NCOA1: variants seen among roughly 807,000 people sequenced by gnomAD.
The protein encoded by NCOA1 is Hin-2 protein.
A neutral mutation model predicts 150.9 loss-of-function variants in NCOA1; 35 were observed. The ratio of observed to expected loss-of-function variants is 0.23; its 90% confidence interval spans 0.18 to 0.31. The LOEUF (loss-of-function observed/expected upper bound fraction) is 0.31. NCOA1 is among the 10% of genes least tolerant of loss of function. NCOA1 has a pLI of 1.00. For missense variants in NCOA1, 1,491 were observed against 1,749.3 expected, an observed-to-expected ratio of 0.85 and a Z score of 2.63; for synonymous variants, 590 against 630.0, an observed-to-expected ratio of 0.94 and a Z score of 0.95.
chr2:24,652,487 A>T (rs1188185415), intron 4 of NCOA1, among the ~76,000 whole-genome samples: 1 of 152,136 alleles, frequency 6.6e-6, no homozygotes, highest in Non-Finnish European at 1.5e-5. Flanking sequence ...ACTGCCTGCT[A>T]AGCATTTTTA....
Position 24,741,882 on chromosome 2 carries a change from T to A in NCOA1, c.3402T>A (p.Leu1134=). The A allele has an allele frequency of 1.2e-6, 2 of 1,614,204 alleles. No individual in the cohort carries two copies. Among genetic ancestry groups the A allele is most frequent in the Non-Finnish European group, 1.7e-6 (2 of 1,180,042 alleles). The change falls in exon 19 of 23, where the codon CTT becomes CTA. Residue 1134 remains leucine (L), a synonymous_variant. Transcript: ENST00000348332. ...RQLIQQQRAM[L]MRQQSFGNNL... ...TAATACAGCAGCAAAGAGCCATGCT[T>A]ATGAGGCAGCAAAGCTTTGGGAACA... is the stretch of plus-strand genomic sequence containing the variant.
intron 4 of NCOA1, among the ~76,000 whole-genome samples, chr2:24,657,076 A>C (rs1319871039): frequency 6.6e-6 from 1 of 152,222 alleles, no homozygotes; most frequent in Admixed American, 6.5e-5. Context: ...GCTAATTTAC[A>C]TTCCCACTAA....
chr2:24,550,602 G>A (rs1364756281), intron 1 of NCOA1, among the ~76,000 whole-genome samples: 2 of 152,168 alleles, frequency 1.3e-5, no homozygotes, highest in African/African-American at 4.8e-5. Flanking sequence ...AACAGCACAT[G>A]GGAATTCAAG....
At chr2:24,619,810 A>G (rs1669042619) in intron 3 of NCOA1, among the ~76,000 whole-genome samples, 1 of 152,206 alleles carries the variant, frequency 6.6e-6, no homozygotes. Flanking sequence ...ATAATTACAA[A>G]GATAATTATA....
chr2:24,495,499 T>C (rs939805704), intron 1 of NCOA1, among the ~76,000 whole-genome samples: 4 of 152,096 alleles, frequency 2.6e-5, no homozygotes, highest in African/African-American at 9.7e-5. Flanking sequence ...TATGTTTTAG[T>C]GTGTGGAGGG....
chr2:24,716,487 G>C (rs560043689), intron 14 of NCOA1, among the ~76,000 whole-genome samples: 4 of 151,936 alleles, frequency 2.6e-5, no homozygotes, highest in African/African-American at 4.8e-5. Context: ...TATAACAACT[G>C]AACATCTATG....
At chr2:24,541,039 T>A (rs1665371091) in intron 1 of NCOA1, among the ~76,000 whole-genome samples, 1 of 152,170 alleles carries the variant, frequency 6.6e-6, no homozygotes, top group South Asian at 2.1e-4. Context: ...GAGATTGAGA[T>A]GCTTGTGAGA....
intron 6 of NCOA1, among the ~76,000 whole-genome samples, chr2:24,669,783 A>T (rs959165685): frequency 6.6e-6 from 1 of 152,234 alleles, no homozygotes; most frequent in Non-Finnish European, 1.5e-5. Flanking sequence ...ATTAGCCATT[A>T]GGGAAATGCA....
chr2:24,650,914 A>G (rs917099582), intron 4 of NCOA1, among the ~76,000 whole-genome samples: 1 of 152,096 alleles, frequency 6.6e-6, no homozygotes, highest in African/African-American at 2.4e-5. Flanking sequence ...GAAAATCTGA[A>G]ATGCAGAATG....
At chr2:24,525,634 C>T (rs886421600) in intron 1 of NCOA1, among the ~76,000 whole-genome samples, 5 of 151,726 alleles carry the variant, frequency 3.3e-5, no homozygotes, top group African/African-American at 1.2e-4. Flanking sequence ...GCGGCCTCTG[C>T]CTCCTGGGTT....
intron 1 of NCOA1, among the ~76,000 whole-genome samples, chr2:24,538,741 T>G (rs1371694031): frequency 6.6e-6 from 1 of 152,196 alleles, no homozygotes; most frequent in African/African-American, 2.4e-5. Context: ...TCATTGATGT[T>G]TATCCAGCAT....
intron 6 of NCOA1, among the ~76,000 whole-genome samples, chr2:24,667,385 G>A (rs1160563440): frequency 6.6e-6 from 1 of 152,020 alleles, no homozygotes; most frequent in East Asian, 1.9e-4. Context: ...TCCTTATCTT[G>A]CCCCCACTCC....
At chr2:24,697,630 T>G in intron 10 of NCOA1, 28 bp from the exon 11 acceptor site, 1 of 1,571,970 alleles carries the variant, frequency 6.4e-7, no homozygotes, top group East Asian at 2.2e-5. Flanking sequence ...GAGGCTGTTA[T>G]AAATATAAAC....
chr2:24,573,651 A>C (rs369748454), intron 2 of NCOA1, among the ~76,000 whole-genome samples: 1 of 152,140 alleles, frequency 6.6e-6, no homozygotes, highest in East Asian at 1.9e-4. Flanking sequence ...ATTTTAAAAA[A>C]TCAATTTTAG....
Position 24,697,677 on chromosome 2 carries a change from T to C in NCOA1, c.828T>C (p.Asp276=). The C allele has an allele frequency of 6.2e-7, 1 of 1,612,108 alleles. No individual in the cohort carries two copies. Among genetic ancestry groups the C allele is most frequent in the Non-Finnish European group, 8.5e-7 (1 of 1,178,254 alleles). ...QDTTGKIISI[D]TSSLRAAGRT... ...GTACAGGTAAAATCATCTCTATTGA[T>C]ACTAGTTCCCTGAGAGCTGCTGGCA... The change falls in exon 11 of 23, where the codon GAT becomes GAC. Residue 276 remains aspartate (D), a synonymous_variant. Coordinates refer to ENST00000348332, the MANE Select transcript of NCOA1 (RefSeq NM_003743.5).
At chr2:24,509,366 G>C (rs571628919) in intron 1 of NCOA1, among the ~76,000 whole-genome samples, 1 of 152,222 alleles carries the variant, frequency 6.6e-6, no homozygotes, top group Admixed American at 6.5e-5. Context: ...TGTAAAAGTG[G>C]GTATACAAAT....
chr2:24,674,930 C>T (rs905395629), intron 7 of NCOA1, among the ~76,000 whole-genome samples: 1 of 152,132 alleles, frequency 6.6e-6, no homozygotes, highest in African/African-American at 2.4e-5. Context: ...TGCTTTGCAC[C>T]ATTCCCTACA....
chr2:24,709,636 G>A (rs936721054), intron 13 of NCOA1, among the ~76,000 whole-genome samples: 2 of 152,100 alleles, frequency 1.3e-5, no homozygotes, highest in Non-Finnish European at 2.9e-5. Flanking sequence ...TTTTGATGAG[G>A]TGAAGTTCTT....
chr2:24,505,922 C>T (rs1663672509), intron 1 of NCOA1, among the ~76,000 whole-genome samples: 1 of 151,988 alleles, frequency 6.6e-6, no homozygotes, highest in Non-Finnish European at 1.5e-5. Flanking sequence ...AAGAATGAGG[C>T]CAACATACAG....
Sources: gnomAD v4.1 joint callset for allele counts (sites outside exome capture counted in the v4.1 genomes callset) on GRCh38, gnomAD v4.1.1 for gene constraint, MANE v1.5 for transcripts, NCBI Gene and HGNC (gene_info 2026-07-23, HGNC 2026-07-21) for gene names.